Variants in KLF13 observed in about 807,000 individuals in gnomAD.
The protein encoded by KLF13 is Krueppel-like factor 13.
Under a neutral mutation model 16.7 loss-of-function variants are expected in KLF13, and 8 were observed. The observed-to-expected ratio is 0.48, with a 90% CI of 0.28 to 0.87. The LOEUF (loss-of-function observed/expected upper bound fraction) is 0.87, where lower values mean the gene tolerates loss of function less well. Ranked by LOEUF, KLF13 falls within the 40% of genes least tolerant of loss-of-function variation. The pLI is 0.10. For missense variants in KLF13, 447 were observed against 452.2 expected (o/e 0.99, Z 0.10); for synonymous variants, 245 against 208.4 (o/e 1.18, Z -1.51).
Position 31,373,571 on chromosome 15 carries a change from TCTC to T in KLF13, c.*1275_*1277del, listed in dbSNP as rs549294917. ...ACTCCTCCTCCCTTTTCCTCCTGCTTCTCCTTGTCCTGCCTGGAGGCTCCAGGC... is the reference window on the plus strand; with the variant it reads ...ACTCCTCCTCCCTTTTCCTCCTGCTTCTTGTCCTGCCTGGAGGCTCCAGGC... On this transcript the variant is annotated 3_prime_UTR_variant, in exon 2 of 2. Transcript: ENST00000307145. 6.6e-6 allele frequency: 1 copy of T among 152,376 alleles called. No homozygotes were observed. The highest frequency in any genetic ancestry group is 6.5e-5 in the Admixed American group (1 of 15,292). 9.4% of individuals were successfully genotyped at this position (152,376 alleles called of 1,614,324 possible).
At position 31,327,480 on chromosome 15, in the gene KLF13, C is replaced by G. The variant is rs1353904366; in HGVS notation, c.268C>G (p.Arg90Gly). 3.3e-6 allele frequency: 4 copies of G among 1,204,058 alleles called. No homozygotes were observed. The highest frequency in any genetic ancestry group is 3.2e-5 in the South Asian group (1 of 31,140). 74.6% of individuals were successfully genotyped at this position (1,204,058 alleles called of 1,614,324 possible). Residue 90 changes from arginine to glycine, a missense_variant, in exon 1 of 2, where the codon CGG (arginine) becomes GGG (glycine). Coordinates refer to ENST00000307145, the MANE Select transcript of KLF13 (RefSeq NM_015995.4). The part of the protein sequence containing the change: ...PAERREGAAA[R>G]KARTPCRLPP... ...GGAGCGCAGGGAGGGCGCCGCGGCC[C>G]GGAAGGCGAGGACCCCCTGCCGCCT...
chr15:31,327,296 GGAGGGGCCGGAGTCCCGGCCC>G lies in KLF13; in HGVS notation c.90_110del (p.Pro31_Gly37del). 7.7e-7 allele frequency: 1 copy of G among 1,305,654 alleles called. No homozygotes were observed. The highest frequency in any genetic ancestry group is 2.0e-5 in the South Asian group (1 of 49,454). The allele number at this position is 1,305,654 out of a possible 1,614,324, so 80.9% of individuals were successfully genotyped here. The stretch of plus-strand genomic sequence containing the variant: ...GCCGCGCGGTCGTGCACGGGCCGCG[GGAGGGGCCGGAGTCCCGGCCC>G]GAGGGCGCGGCCGTGGCCGCCACCC... On this transcript the variant is annotated inframe_deletion, in exon 1 of 2. Coordinates refer to ENST00000307145, the MANE Select transcript of KLF13 (RefSeq NM_015995.4).
At chr15:31,428,851 C>T (rs1225570123) in intron 1 of KLF13, among the ~76,000 whole-genome samples, 1 of 145,168 alleles carries the variant, frequency 6.9e-6, no homozygotes, top group East Asian at 2.0e-4. Flanking sequence ...ATGCCACAGA[C>T]CAAATATAAC....
intron 1 of KLF13, among the ~76,000 whole-genome samples, chr15:31,332,370 A>G (rs550766997): frequency 5.3e-5 from 8 of 152,340 alleles, no homozygotes; most frequent in African/African-American, 1.7e-4. Context: ...CAGCAAAACC[A>G]CTGTCACTCC....
chr15:31,428,820 A>AAAAAAAGAAAAAG (rs61521558), intron 1 of KLF13, among the ~76,000 whole-genome samples: 5 of 72,660 alleles, frequency 6.9e-5, no homozygotes, highest in African/African-American at 3.1e-4. Flanking sequence ...AAAAAAAAAA[A>AAAAAAAGAAAAAG]AAAAAGAAAA....
intron 1 of KLF13, among the ~76,000 whole-genome samples, chr15:31,411,715 T>A (rs1057080850): frequency 6.6e-6 from 1 of 152,080 alleles, no homozygotes; most frequent in Non-Finnish European, 1.5e-5. Flanking sequence ...CAAACAAAAA[T>A]TTTTTAAAAA....
At chr15:31,429,795 G>A (rs544137779) in intron 1 of KLF13, among the ~76,000 whole-genome samples, 25 of 151,356 alleles carry the variant, frequency 1.7e-4, no homozygotes, top group African/African-American at 5.8e-4. Context: ...GTGCAGTGGC[G>A]CAATCTCGGC....
chr15:31,365,012 G>A lies in KLF13; in HGVS notation c.578-6998G>A, dbSNP rs571787331. 3.3e-5 allele frequency among the ~76,000 whole-genome samples: 5 copies of A among 152,282 alleles called. No individual in the cohort carries two copies. In the East Asian group the frequency reaches 9.7e-4, roughly 29 times the overall value. ...ATCAGCCCCTGTGTTTGGCCATGCT[G>A]ACCTGCTCCAGAACAGGAGGGTGAA... is the stretch of plus-strand genomic sequence containing the variant. On this transcript the variant is annotated intron_variant, in intron 1 of 1. Transcript: ENST00000307145.
chr15:31,347,059 C>T (rs778675326), intron 1 of KLF13, among the ~76,000 whole-genome samples: 5 of 152,124 alleles, frequency 3.3e-5, no homozygotes, highest in East Asian at 3.9e-4. Flanking sequence ...TGACAGGGCA[C>T]GACACCGAGC....
intron 1 of KLF13, among the ~76,000 whole-genome samples, chr15:31,432,515 C>T (rs1595519631): frequency 1.3e-5 from 2 of 150,284 alleles, no homozygotes. Context: ...GTGGTGTGAT[C>T]ACCGCTCACT....
At chr15:31,345,497 C>T (rs1025576769) in intron 1 of KLF13, among the ~76,000 whole-genome samples, 3 of 152,216 alleles carry the variant, frequency 2.0e-5, no homozygotes, top group East Asian at 3.8e-4. Context: ...GAGTGAGCAC[C>T]GCGTGCCTAG....
At chr15:31,433,468 C>T (rs1331393764) in intron 1 of KLF13, among the ~76,000 whole-genome samples, 1 of 152,164 alleles carries the variant, frequency 6.6e-6, no homozygotes. Context: ...AGCTGTGTTC[C>T]CTTCTCTCAG....
rs1202332139 is a variant in KLF13, at chr15:31,373,790, C to T, written c.*1491C>T. 6.6e-6 allele frequency: 1 copy of T among 152,192 alleles called. No homozygotes were observed. The highest frequency in any genetic ancestry group is 2.4e-5 in the African/African-American group (1 of 41,376). 9.4% of individuals were successfully genotyped at this position (152,192 alleles called of 1,614,324 possible). A position where few individuals can be genotyped will look rare whatever the true frequency, so the allele number is the denominator to read the frequency against. ...GGCTTGTGGCCCAGGTATCACCTTC[C>T]CTTCCTCCTGAGAGTTGAGGCCTGT... On this transcript the variant is annotated 3_prime_UTR_variant, in exon 2 of 2. Transcript: ENST00000307145.
chr15:31,390,991 C>T (rs2039856766), upstream of KLF13, among the ~76,000 whole-genome samples: 1 of 150,348 alleles, frequency 6.7e-6, no homozygotes, highest in Non-Finnish European at 1.5e-5. Flanking sequence ...GGCATTTTGT[C>T]CTGACCCTTA....
upstream of KLF13, among the ~76,000 whole-genome samples, chr15:31,389,241 C>A (rs896239996): frequency 6.6e-6 from 1 of 152,174 alleles, no homozygotes; most frequent in African/African-American, 2.4e-5. Context: ...TTCTTAATAA[C>A]ATTTTCTTTT....
chr15:31,399,731 G>C (rs935845663), intron 2 of KLF13, among the ~76,000 whole-genome samples: 5 of 152,238 alleles, frequency 3.3e-5, no homozygotes, highest in African/African-American at 1.2e-4. Flanking sequence ...GGGTCGCTGT[G>C]GGGCAGAGGG....
At position 31,372,691 on chromosome 15, in the gene KLF13, G is replaced by T. The variant is rs34225405; in HGVS notation, c.*392G>T. On this transcript the variant is annotated 3_prime_UTR_variant, in exon 2 of 2. Coordinates refer to ENST00000307145, the MANE Select transcript of KLF13 (RefSeq NM_015995.4). ...AGGCCAGCCAGTCTGGTGGAGCTCA[G>T]CGTCTGGCTGGCTGGCCAGCCTGTG... 5.6e-6 allele frequency: 1 copy of T among 179,378 alleles called. No homozygotes were observed. Among genetic ancestry groups the T allele is most frequent in the African/African-American group, 2.4e-5 (1 of 42,340 alleles). The allele number at this position is 179,378 out of a possible 1,614,324, so 11.1% of individuals were successfully genotyped here.
chr15:31,372,343 C>T lies in KLF13; in HGVS notation c.*44C>T, dbSNP rs1168287078. On this transcript the variant is annotated 3_prime_UTR_variant, in exon 2 of 2. Coordinates refer to ENST00000307145, the MANE Select transcript of KLF13 (RefSeq NM_015995.4). ...CAGCCGCTCCCACCCCCTCGTGAGT[C>T]CCTGGCCTTTCCTTTTGTAATAAGA... 17 of 1,407,000 alleles carry T rather than the reference C, an allele frequency of 1.2e-5. No individual in the cohort carries two copies. In the Admixed American group the frequency reaches 2.4e-4, roughly 20 times the overall value. 87.2% of individuals were successfully genotyped at this position (1,407,000 alleles called of 1,614,324 possible).
chr15:31,357,828 G>A (rs1042158840), intron 1 of KLF13, among the ~76,000 whole-genome samples: 2 of 152,152 alleles, frequency 1.3e-5, no homozygotes, highest in African/African-American at 4.8e-5. Flanking sequence ...CCCCGCCAGA[G>A]ACTCCCGAGC....
Sources: gnomAD v4.1 joint callset for allele counts (sites outside exome capture counted in the v4.1 genomes callset) on GRCh38, gnomAD v4.1.1 for gene constraint, MANE v1.5 for transcripts, NCBI Gene and HGNC (gene_info 2026-07-23, HGNC 2026-07-21) for gene names.